The following ZNF329 variants were observed in gnomAD, a reference collection of about 807,000 sequenced individuals.
ZNF329 encodes zinc finger protein 329.
A neutral mutation model predicts 26.6 loss-of-function variants in ZNF329; 15 were observed. That is an observed-to-expected ratio of 0.56 (90% confidence interval 0.38 to 0.87). ZNF329 has a LOEUF of 0.87. ZNF329 is among the 40% of genes least tolerant of loss of function. The pLI, the probability that ZNF329 is intolerant of heterozygous loss-of-function variation, is 0.00. For synonymous variants in ZNF329, 239 were observed against 233.5 expected, an observed-to-expected ratio of 1.02 and a Z score of -0.21; for missense variants, 651 against 651.9, an observed-to-expected ratio of 1.00 and a Z score of 0.02.
rs865970097 is a variant in ZNF329, at chr19:58,127,848, G to A, written c.*30C>T. The A allele has an allele frequency of 6.5e-7, 1 of 1,548,164 alleles. No homozygotes were observed. The highest frequency in any genetic ancestry group is 1.2e-5 in the South Asian group (1 of 81,216). Reference sequence around the variant, plus strand: ...GCCTCCTAAACACAGGAGTGAGAGTGAACTGGAAGACTCATGTGGCCCCCA... The same window carrying A: ...GCCTCCTAAACACAGGAGTGAGAGTAAACTGGAAGACTCATGTGGCCCCCA... On this transcript the variant is annotated 3_prime_UTR_variant, in exon 4 of 4. Coordinates refer to ENST00000598312, the MANE Select transcript of ZNF329 (RefSeq NM_024620.4).
chr19:58,135,488 A>G (rs1290147022), intron 3 of ZNF329, among the ~76,000 whole-genome samples: 6 of 151,746 alleles, frequency 4.0e-5, no homozygotes, highest in Admixed American at 6.6e-5. Flanking sequence ...CTGGTCTCGC[A>G]CTCCTGGCCT....
chr19:58,128,257 C>G lies in ZNF329; in HGVS notation c.1247G>C (p.Arg416Thr). 1 of 1,602,644 alleles carries G rather than the reference C, an allele frequency of 6.2e-7. No homozygotes were observed. The highest frequency in any genetic ancestry group is 8.5e-7 in the Non-Finnish European group (1 of 1,174,116). ...CTCGCCAGTATGAATCCTCTGATGC[C>G]TGATGAGGTACGCACTCTCGATGAA... ...KTFIESAYLI[R>T]HQRIHTGEKP... Residue 416 changes from arginine (R) to threonine (T), a missense_variant, in exon 4 of 4, where the codon AGG (arginine) becomes ACG (threonine). Physicochemically the swap from Arg to Thr is moderately conservative, Grantham distance 71 (BLOSUM62 -1). Transcript: ENST00000598312.
chr19:58,129,087 T>C lies in ZNF329; in HGVS notation c.417A>G (p.Arg139=). 6.2e-7 allele frequency: 1 copy of C among 1,614,084 alleles called. No homozygotes were observed. Among genetic ancestry groups the C allele is most frequent in the Non-Finnish European group, 8.5e-7 (1 of 1,180,050 alleles). The part of the protein sequence containing the change: ...FNHSMEVIHG[R]NPVREKPYKY... The stretch of plus-strand genomic sequence containing the variant: ...TGTAGGGCTTCTCTCTCACTGGATT[T>C]CTTCCATGAATAACTTCCATGGAAT... The change falls in exon 4 of 4, where the codon AGA becomes AGG. Residue 139 remains arginine, a synonymous_variant. Transcript: ENST00000598312.
At chr19:58,137,071 A>C (rs1339011663) in intron 3 of ZNF329, 6 of 162,958 alleles carry the variant, frequency 3.7e-5, no homozygotes, top group South Asian at 1.7e-4. Context: ...AAAAAAAAAA[A>C]AAACAGTTTA....
Position 58,127,926 on chromosome 19 carries a change from A to C in ZNF329, c.1578T>G (p.Leu526=). ...CGKMFQKSSS[L]VRHQRAHLGE... The stretch of plus-strand genomic sequence containing the variant: ...CCAGGTGTGCTCTTTGATGTCGAAC[A>C]AGGGATGAGCTCTTTTGGAACATTT... The change falls in exon 4 of 4, where the codon CTT becomes CTG. Residue 526 remains leucine, a synonymous_variant. Coordinates refer to ENST00000598312, the MANE Select transcript of ZNF329 (RefSeq NM_024620.4). 1 of 1,611,590 alleles carries C rather than the reference A, an allele frequency of 6.2e-7. No homozygotes were observed. The highest frequency in any genetic ancestry group is 2.2e-5 in the East Asian group (1 of 44,862).
chr19:58,138,084 T>G (rs913608457), intron 3 of ZNF329, among the ~76,000 whole-genome samples: 3 of 152,216 alleles, frequency 2.0e-5, no homozygotes, highest in African/African-American at 7.2e-5. Flanking sequence ...ATGGCAAAGT[T>G]GGATTTATCC....
intron 3 of ZNF329, among the ~76,000 whole-genome samples, chr19:58,133,156 T>C (rs2074986441): frequency 6.6e-6 from 1 of 152,058 alleles, no homozygotes; most frequent in Non-Finnish European, 1.5e-5. Flanking sequence ...AAACCACCAG[T>C]GAATGACGAA....
intron 1 of ZNF329, among the ~76,000 whole-genome samples, chr19:58,147,113 T>C (rs1299939576): frequency 6.6e-6 from 1 of 150,940 alleles, no homozygotes; most frequent in Non-Finnish European, 1.5e-5. Flanking sequence ...GAGGAGCGTC[T>C]CTGCCCGGCC....
chr19:58,128,604 T>A lies in ZNF329; in HGVS notation c.900A>T (p.Ser300=), dbSNP rs780125096. Residue 300 remains serine, a synonymous_variant, in exon 4 of 4, where the codon TCA becomes TCT. Coordinates refer to ENST00000598312, the MANE Select transcript of ZNF329 (RefSeq NM_024620.4). ...GAGTTCTTTGGTGCAAAATTAAGGA[T>A]GAATTTCGGTTGAAGGTTTTTCCAC... ...LECGKTFNRN[S]SLILHQRTHT... 5.5e-5 allele frequency: 88 copies of A among 1,611,242 alleles called. No individual in the cohort carries two copies. The highest frequency in any genetic ancestry group is 1.6e-4 in the Middle Eastern group (1 of 6,066).
intron 3 of ZNF329, among the ~76,000 whole-genome samples, chr19:58,130,670 T>C (rs1281283810): frequency 2.1e-5 from 2 of 96,272 alleles, no homozygotes; most frequent in African/African-American, 8.7e-5. Context: ...CAAGACTCCG[T>C]CTCAAAAAAA....
At chr19:58,154,004 T>A (rs908894090), upstream of ZNF329, among the ~76,000 whole-genome samples, 1 of 123,122 alleles carries the variant, frequency 8.1e-6, no homozygotes, top group African/African-American at 3.2e-5. Flanking sequence ...CCAACATATG[T>A]GATTTTTTTT....
rs182247435 is a variant in ZNF329 at position 58,131,931 on chromosome 19, G to A, written c.-8-2420C>T. Among the ~76,000 whole-genome samples the A allele has an allele frequency of 4.6e-5, 7 of 151,582 alleles. No individual in the cohort carries two copies. In the East Asian group the frequency reaches 9.8e-4, roughly 21 times the overall value. On this transcript the variant is annotated intron_variant, in intron 3 of 3. Coordinates refer to ENST00000598312, the MANE Select transcript of ZNF329 (RefSeq NM_024620.4). ...CCAGCTACTTGGGAGGCTGAGGCAG[G>A]AGAATGGCATGAACCCGGGAGGCAG...
intron 1 of ZNF329, among the ~76,000 whole-genome samples, chr19:58,146,592 T>C (rs1403491343): frequency 1.3e-5 from 2 of 149,398 alleles, no homozygotes; most frequent in Non-Finnish European, 3.0e-5. Context: ...GGTCTCCCTC[T>C]GATGCCGAGC....
intron 3 of ZNF329, among the ~76,000 whole-genome samples, chr19:58,134,472 A>T (rs568488402): frequency 1.3e-5 from 2 of 152,386 alleles, no homozygotes; most frequent in African/African-American, 2.4e-5. Context: ...AGACTGTATT[A>T]AAAAACATGT....
intron 1 of ZNF329, among the ~76,000 whole-genome samples, chr19:58,148,213 C>A (rs1435471707): frequency 6.6e-6 from 1 of 151,300 alleles, no homozygotes; most frequent in Non-Finnish European, 1.5e-5. Context: ...TAAGAGTCAT[C>A]ACCACTCCCT....
intron 1 of ZNF329, among the ~76,000 whole-genome samples, chr19:58,146,961 C>A (rs2075325858): frequency 6.6e-6 from 1 of 152,156 alleles, no homozygotes; most frequent in Admixed American, 6.5e-5. Flanking sequence ...GCAGCCTCTG[C>A]CCGGCCGCCA....
rs561243841 is a variant in ZNF329, at chr19:58,132,969, C to T, written c.-8-3458G>A. On this transcript the variant is annotated intron_variant, in intron 3 of 3. Coordinates refer to ENST00000598312, the MANE Select transcript of ZNF329 (RefSeq NM_024620.4). ...CTGGGACTACAGGTGTCTGCCACCA[C>T]GCCCAGCTAATTTTTTGTACTTTTA... Among the ~76,000 whole-genome samples, 14 of 152,150 alleles carry T rather than the reference C, an allele frequency of 9.2e-5. No homozygotes were observed. The East Asian group carries it at 2.2e-3, about 23-fold the overall frequency.
At chr19:58,133,515 G>T (rs2074995527) in intron 3 of ZNF329, among the ~76,000 whole-genome samples, 1 of 151,924 alleles carries the variant, frequency 6.6e-6, no homozygotes, top group South Asian at 2.1e-4. Flanking sequence ...TGAGCTCCAG[G>T]GGTTGAGGCT....
intron 1 of ZNF329, among the ~76,000 whole-genome samples, chr19:58,148,973 G>C (rs919530570): frequency 3.3e-5 from 5 of 152,178 alleles, no homozygotes; most frequent in African/African-American, 1.2e-4. Flanking sequence ...AACCTACTGG[G>C]CTGCATTTCC....
Sources: allele counts gnomAD v4.1 joint callset (sites outside exome capture counted in the v4.1 genomes callset), GRCh38; gene constraint gnomAD v4.1.1; transcripts MANE v1.5; gene names NCBI Gene and HGNC (gene_info 2026-07-23, HGNC 2026-07-21).